The following RCOR1 variants were observed in gnomAD, a reference collection of about 807,000 sequenced individuals.
The protein encoded by RCOR1 is REST corepressor.
RCOR1 carries 12 observed loss-of-function variants against 64.0 expected under a neutral mutation model. That is an observed-to-expected ratio of 0.19 (90% CI 0.12 to 0.30). RCOR1 has a LOEUF of 0.30. RCOR1 is among the 10% of genes least tolerant of loss of function. The probability of loss-of-function intolerance (pLI) is 1.00; values close to 1 mark genes in which losing one functional copy is unlikely to be tolerated. For synonymous variants in RCOR1, 279 were observed against 227.2 expected (o/e 1.23, Z -2.05); for missense variants, 502 against 621.2 (o/e 0.81, Z 2.04).
At chr14:102,620,236 T>C (rs771480858) in intron 2 of RCOR1, among the ~76,000 whole-genome samples, 5 of 115,460 alleles carry the variant, frequency 4.3e-5, no homozygotes, top group African/African-American at 1.5e-4. Context: ...CACACACTTA[T>C]ACACACACAC....
intron 2 of RCOR1, among the ~76,000 whole-genome samples, chr14:102,612,783 G>A (rs1893657917): frequency 6.6e-6 from 1 of 151,734 alleles, no homozygotes; most frequent in African/African-American, 2.4e-5. Context: ...GATGCCAGGA[G>A]CTAGAGATCA....
chr14:102,670,390 T>C (rs1438973382), intron 2 of RCOR1, among the ~76,000 whole-genome samples: 3 of 152,188 alleles, frequency 2.0e-5, no homozygotes, highest in African/African-American at 7.2e-5. Flanking sequence ...ATTTAAATTT[T>C]AAAGCAAACC....
chr14:102,705,112 TCAACAACAA>T (rs569745143), intron 4 of RCOR1, among the ~76,000 whole-genome samples: 6 of 151,186 alleles, frequency 4.0e-5, no homozygotes, highest in African/African-American at 7.3e-5. Flanking sequence ...CAACTCTATA[TCAACAACAA>T]CAACAACAAC....
At position 102,592,919 on chromosome 14, in the gene RCOR1, C is replaced by T. The variant is rs1442314807; in HGVS notation, c.33C>T (p.Val11=). 1.6e-6 allele frequency: 2 copies of T among 1,242,386 alleles called. No individual in the cohort carries two copies. Among genetic ancestry groups the T allele is most frequent in the East Asian group, 4.2e-5 (1 of 23,976 alleles). 77.0% of individuals were successfully genotyped at this position (1,242,386 alleles called of 1,614,324 possible). The change falls in exon 1 of 12, where the codon GTC becomes GTT. Residue 11 remains valine (V), a synonymous_variant. Transcript: ENST00000262241. MPAMVEKGPE[V]SGKRRGRNNA... is the part of the protein sequence containing the mutation. ...CCATGGTGGAGAAGGGCCCCGAGGT[C>T]TCAGGGAAGCGGAGAGGGAGGAACA...
At chr14:102,620,436 A>G (rs1893851316) in intron 2 of RCOR1, among the ~76,000 whole-genome samples, 1 of 152,178 alleles carries the variant, frequency 6.6e-6, no homozygotes, top group Admixed American at 6.5e-5. Flanking sequence ...GCGTGGTTGC[A>G]CATGCCTGTA....
At chr14:102,646,491 T>C (rs1894480100) in intron 2 of RCOR1, among the ~76,000 whole-genome samples, 1 of 151,858 alleles carries the variant, frequency 6.6e-6, no homozygotes, top group African/African-American at 2.4e-5. Flanking sequence ...AAAGTAGGGG[T>C]CCATTCAGAG....
chr14:102,686,366 C>A (rs373914432), intron 3 of RCOR1, among the ~76,000 whole-genome samples: 2 of 152,320 alleles, frequency 1.3e-5, no homozygotes, highest in East Asian at 1.9e-4. Flanking sequence ...CACACCCACA[C>A]CCTCCCCCAG....
intron 3 of RCOR1, among the ~76,000 whole-genome samples, chr14:102,689,575 A>G (rs1895491164): frequency 6.6e-6 from 1 of 152,182 alleles, no homozygotes; most frequent in Non-Finnish European, 1.5e-5. Context: ...TCATTTATGC[A>G]TTATGCATTT....
intron 3 of RCOR1, among the ~76,000 whole-genome samples, chr14:102,696,581 T>G (rs1595234949): frequency 6.6e-6 from 1 of 152,300 alleles, no homozygotes; most frequent in East Asian, 1.9e-4. Context: ...ATTGTCCTGA[T>G]TAGCGTTTAC....
intron 4 of RCOR1, among the ~76,000 whole-genome samples, chr14:102,705,915 A>G (rs957083970): frequency 6.6e-6 from 1 of 151,912 alleles, no homozygotes; most frequent in African/African-American, 2.4e-5. Flanking sequence ...CAGGAGTTGG[A>G]GACCAACCTG....
intron 2 of RCOR1, among the ~76,000 whole-genome samples, 184 bp downstream of exon 2, chr14:102,593,509 C>T (rs1595184825): frequency 3.3e-5 from 5 of 152,332 alleles, no homozygotes; most frequent in South Asian, 4.1e-4. Flanking sequence ...GCAAACGTGC[C>T]TCTGCACCCG....
intron 2 of RCOR1, among the ~76,000 whole-genome samples, chr14:102,637,899 T>C (rs1243615235): frequency 2.0e-5 from 3 of 152,216 alleles, no homozygotes; most frequent in South Asian, 2.1e-4. Flanking sequence ...CGTTGTGTCT[T>C]ACAGTGTTCA....
intron 2 of RCOR1, among the ~76,000 whole-genome samples, chr14:102,625,796 A>G (rs1893968245): frequency 6.6e-6 from 1 of 152,106 alleles, no homozygotes; most frequent in East Asian, 1.9e-4. Flanking sequence ...CCTTTCTGTT[A>G]CGTAGTCTAG....
intron 2 of RCOR1, among the ~76,000 whole-genome samples, chr14:102,680,710 CA>C (rs1431371073): frequency 2.0e-5 from 3 of 152,106 alleles, no homozygotes; most frequent in Admixed American, 2.0e-4. Flanking sequence ...GAGGCTGAGG[CA>C]GGAGAATTGC....
chr14:102,718,073 A>G (rs1432327932), intron 8 of RCOR1, among the ~76,000 whole-genome samples: 5 of 152,142 alleles, frequency 3.3e-5, no homozygotes, highest in Admixed American at 3.3e-4. Flanking sequence ...TTTAGGGTTT[A>G]TTTTTCTCAA....
At chr14:102,615,022 G>A (rs1242314359) in intron 2 of RCOR1, among the ~76,000 whole-genome samples, 7 of 151,724 alleles carry the variant, frequency 4.6e-5, no homozygotes, top group African/African-American at 1.7e-4. Flanking sequence ...TAGTAGAGAC[G>A]GGGTTTCACC....
intron 2 of RCOR1, chr14:102,658,643 A>ACAT: frequency 1.0e-6 from 1 of 984,912 alleles, no homozygotes; most frequent in South Asian, 4.7e-5. Context: ...GGTTCCTCTT[A>ACAT]CATCACCAAG....
At chr14:102,675,871 G>C (rs1041845297) in intron 2 of RCOR1, among the ~76,000 whole-genome samples, 30 of 152,082 alleles carry the variant, frequency 2.0e-4, no homozygotes, top group African/African-American at 7.2e-4. Context: ...GAATGAACTT[G>C]TACTGGCTTC....
chr14:102,668,300 C>T (rs1894957451), intron 2 of RCOR1, among the ~76,000 whole-genome samples: 1 of 152,166 alleles, frequency 6.6e-6, no homozygotes, highest in African/African-American at 2.4e-5. Flanking sequence ...TGTGGTGATG[C>T]TAATGAGAAT....
Sources: gnomAD v4.1 joint callset for allele counts (sites outside exome capture counted in the v4.1 genomes callset) on GRCh38, gnomAD v4.1.1 for gene constraint, MANE v1.5 for transcripts, NCBI Gene and HGNC (gene_info 2026-07-23, HGNC 2026-07-21) for gene names.